The following ACVR1C variants were observed in gnomAD, a reference collection of about 807,000 sequenced individuals.
ACVR1C encodes activin A receptor type 1C.
Under a neutral mutation model 57.9 loss-of-function variants are expected in ACVR1C, and 23 were observed. That is an observed-to-expected ratio of 0.40 (90% CI 0.29 to 0.56). The LOEUF (loss-of-function observed/expected upper bound fraction) is 0.56. ACVR1C is among the 20% of genes least tolerant of loss of function. The probability of loss-of-function intolerance (pLI) is 0.50; values close to 1 mark genes in which losing one functional copy is unlikely to be tolerated. For missense variants in ACVR1C, 480 were observed against 607.9 expected, an observed-to-expected ratio of 0.79 and a Z score of 2.21; for synonymous variants, 214 against 215.3, an observed-to-expected ratio of 0.99 and a Z score of 0.05.
In ACVR1C at chr2:157,590,075, T is replaced by C. The variant is rs556246313; in HGVS notation, c.74-2658A>G. Among the ~76,000 whole-genome samples, 15 of 151,676 alleles carry C rather than the reference T, an allele frequency of 9.9e-5. No homozygotes were observed. The South Asian group carries it at 2.9e-3, about 29-fold the overall frequency. Reference sequence around the variant, plus strand: ...ACTCAAAGCCCTAAAACCAGAAAAATTCTAGAAGAAAACCTACAAACTATT... The same window carrying C: ...ACTCAAAGCCCTAAAACCAGAAAAACTCTAGAAGAAAACCTACAAACTATT... On this transcript the variant is annotated intron_variant, in intron 1 of 8. Coordinates refer to ENST00000243349, the MANE Select transcript of ACVR1C (RefSeq NM_145259.3).
At position 157,555,103 on chromosome 2, in the gene ACVR1C, T is replaced by TC. The variant is rs1241037725; in HGVS notation, c.544+989_544+990insG. Among the ~76,000 whole-genome samples, 3 of 49,200 alleles carry TC rather than the reference T, an allele frequency of 6.1e-5. No individual in the cohort carries two copies. The East Asian group carries it at 7.4e-4, about 12-fold the overall frequency. The allele number at this position is 49,200 out of a possible 152,430, so 32.3% of individuals were successfully genotyped here. On this transcript the variant is annotated intron_variant, in intron 3 of 8. Transcript: ENST00000243349. ...AATACAGCCTGGTACTTTGAACGCT[T>TC]TTTTTTTTTTTTTTTTTTTTTTTTT...
At position 157,533,913 on chromosome 2, in the gene ACVR1C, C is replaced by A; in HGVS notation, c.*5G>T. On this transcript the variant is annotated 3_prime_UTR_variant, in exon 9 of 9. Coordinates refer to ENST00000243349, the MANE Select transcript of ACVR1C (RefSeq NM_145259.3). ...AGAGATTTCTTTTTAACATAATTAT[C>A]ATCATTAGGCTTTGCAGTCTTCTTT... The A allele has an allele frequency of 1.3e-6, 2 of 1,541,818 alleles. No homozygotes were observed. Among genetic ancestry groups the A allele is most frequent in the South Asian group, 1.3e-5 (1 of 79,676 alleles).
chr2:157,535,747 T>C (rs565165860), intron 8 of ACVR1C, among the ~76,000 whole-genome samples: 1 of 152,100 alleles, frequency 6.6e-6, no homozygotes, highest in Non-Finnish European at 1.5e-5. Flanking sequence ...CATGCCACTG[T>C]ACTCCAGCCT....
chr2:157,563,755 G>A (rs13034044), intron 2 of ACVR1C, among the ~76,000 whole-genome samples: 1 of 152,150 alleles, frequency 6.6e-6, no homozygotes, highest in Non-Finnish European at 1.5e-5. Flanking sequence ...CATGGTACTG[G>A]TACCAAAACA....
At chr2:157,605,881 AC>A (rs1682380931) in intron 1 of ACVR1C, among the ~76,000 whole-genome samples, 1 of 151,644 alleles carries the variant, frequency 6.6e-6, no homozygotes, top group South Asian at 2.1e-4. Flanking sequence ...CTGCTATCAA[AC>A]ATTAGAACTT....
chr2:157,582,868 C>T (rs1345307297), intron 2 of ACVR1C, among the ~76,000 whole-genome samples: 3 of 152,074 alleles, frequency 2.0e-5, no homozygotes, highest in African/African-American at 7.2e-5. Flanking sequence ...CTAATATAAG[C>T]TATTTTCTTT....
chr2:157,537,888 TA>T (rs1289659561), intron 8 of ACVR1C, among the ~76,000 whole-genome samples: 9 of 152,182 alleles, frequency 5.9e-5, no homozygotes, highest in African/African-American at 1.9e-4. Context: ...ACATTATGGT[TA>T]AATACTGGTT....
At chr2:157,626,947 T>TA (rs1451060604) in intron 1 of ACVR1C, among the ~76,000 whole-genome samples, 1 of 152,242 alleles carries the variant, frequency 6.6e-6, no homozygotes, top group Non-Finnish European at 1.5e-5. Flanking sequence ...ATCTTTTTTT[T>TA]ATTTTTTGCA....
At chr2:157,596,817 G>A (rs528168594) in intron 1 of ACVR1C, among the ~76,000 whole-genome samples, 4 of 152,184 alleles carry the variant, frequency 2.6e-5, no homozygotes, top group African/African-American at 9.6e-5. Context: ...CAAACTCTTT[G>A]GCAAAGAGTC....
intron 1 of ACVR1C, among the ~76,000 whole-genome samples, chr2:157,607,020 T>C (rs947236628): frequency 2.0e-5 from 3 of 151,916 alleles, no homozygotes; most frequent in African/African-American, 7.2e-5. Context: ...AGTTTCATTC[T>C]TCTGCATATA....
intron 1 of ACVR1C, among the ~76,000 whole-genome samples, chr2:157,594,621 G>A (rs1485726668): frequency 6.6e-6 from 1 of 152,088 alleles, no homozygotes; most frequent in Non-Finnish European, 1.5e-5. Flanking sequence ...GGGGGCGATG[G>A]GGGAAAAGTG....
intron 2 of ACVR1C, among the ~76,000 whole-genome samples, chr2:157,578,509 A>C (rs534440851): frequency 3.9e-5 from 6 of 152,254 alleles, no homozygotes; most frequent in Admixed American, 2.0e-4. Context: ...GTTCTTTAGA[A>C]TTAGTCACAT....
chr2:157,538,544 GA>G, intron 8 of ACVR1C, 28 bp downstream of exon 8: 1 of 1,522,500 alleles, frequency 6.6e-7, no homozygotes, highest in Non-Finnish European at 8.8e-7. Flanking sequence ...AATATAATAA[GA>G]AAAATATAGA....
intron 8 of ACVR1C, among the ~76,000 whole-genome samples, chr2:157,536,153 G>A (rs1188321162): frequency 2.6e-5 from 4 of 152,098 alleles, no homozygotes; most frequent in Non-Finnish European, 5.9e-5. Flanking sequence ...GAAAATATGA[G>A]TGAATAAAAA....
intron 2 of ACVR1C, among the ~76,000 whole-genome samples, chr2:157,565,040 G>A (rs1162300671): frequency 1.3e-5 from 2 of 152,038 alleles, no homozygotes; most frequent in African/African-American, 4.8e-5. Flanking sequence ...TGGGTTGATA[G>A]GTGCAGCAAA....
intron 3 of ACVR1C, among the ~76,000 whole-genome samples, chr2:157,554,209 A>AAGAAAGAAAGAAAGAGAGAGAGAG (rs1558974825): frequency 1.1e-5 from 1 of 87,988 alleles, no homozygotes; most frequent in African/African-American, 5.9e-5. Context: ...GAGAGAAAGA[A>AAGAAAGAAAGAAAGAGAGAGAGAG]AGAAAGAAAG....
intron 8 of ACVR1C, among the ~76,000 whole-genome samples, chr2:157,534,784 A>G (rs1687440225): frequency 6.6e-6 from 1 of 152,122 alleles, no homozygotes; most frequent in African/African-American, 2.4e-5. Context: ...GGTATCTGCT[A>G]CTCTCATGGT....
chr2:157,583,353 G>C (rs896587315), intron 2 of ACVR1C, among the ~76,000 whole-genome samples: 1 of 151,906 alleles, frequency 6.6e-6, no homozygotes, highest in Non-Finnish European at 1.5e-5. Context: ...TAACTACAAA[G>C]CACTGCTAAG....
At chr2:157,621,887 A>G (rs1682783288) in intron 1 of ACVR1C, among the ~76,000 whole-genome samples, 2 of 152,190 alleles carry the variant, frequency 1.3e-5, no homozygotes, top group Non-Finnish European at 2.9e-5. Context: ...TGGGCTATTT[A>G]GTTGTTGAAA....
Sources: gnomAD v4.1 joint callset for allele counts (sites outside exome capture counted in the v4.1 genomes callset) on GRCh38, gnomAD v4.1.1 for gene constraint, MANE v1.5 for transcripts, NCBI Gene and HGNC (gene_info 2026-07-23, HGNC 2026-07-21) for gene names.